The following SLC2A9 variants were observed in gnomAD, a reference collection of about 807,000 sequenced individuals.
SLC2A9 encodes solute carrier family 2, facilitated glucose transporter member 9.
In SLC2A9, 39 loss-of-function variants were observed where a neutral mutation model predicts 50.6. The ratio of observed to expected loss-of-function variants is 0.77; its 90% CI spans 0.60 to 1.01. The LOEUF (loss-of-function observed/expected upper bound fraction) is 1.01. SLC2A9 is among the 50% of genes least tolerant of loss of function. The pLI is 0.00. For synonymous variants in SLC2A9, 324 were observed against 276.9 expected (o/e 1.17, Z -1.69); for missense variants, 686 against 677.6 (o/e 1.01, Z -0.14).
At chr4:9,812,310 C>T (rs570901530) in intron 3 of SLC2A9, among the ~76,000 whole-genome samples, 7 of 152,192 alleles carry the variant, frequency 4.6e-5, no homozygotes, top group Admixed American at 2.6e-4. Context: ...GAGATTTAGC[C>T]GGAAATGACA....
rs576625342 is a variant in SLC2A9, at chr4:9,815,382, T to C, written n.420+11038A>G. ...TGTCATAACCTGCATGGATTGAGTTTAGGTTTATTCATGAGTAAGGGAAAC... is the reference window on the plus strand; with the variant it reads ...TGTCATAACCTGCATGGATTGAGTTCAGGTTTATTCATGAGTAAGGGAAAC... On this transcript the variant is annotated intron_variant and non_coding_transcript_variant, in intron 3 of 3. Coordinates refer to the SLC2A9 transcript ENST00000503280. Among the ~76,000 whole-genome samples, 14 of 152,356 alleles carry C rather than the reference T, an allele frequency of 9.2e-5. No individual in the cohort carries two copies. In the South Asian group the frequency reaches 2.7e-3, roughly 29 times the overall value.
At chr4:9,972,089 T>A (rs1048998823) in intron 5 of SLC2A9, among the ~76,000 whole-genome samples, 1 of 152,232 alleles carries the variant, frequency 6.6e-6, no homozygotes, top group Non-Finnish European at 1.5e-5. Flanking sequence ...CCAATTGCAA[T>A]GCCCATTCCT....
chr4:10,037,598 A>AG (rs1764147832), intron 1 of SLC2A9, among the ~76,000 whole-genome samples: 2 of 151,986 alleles, frequency 1.3e-5, no homozygotes, highest in Non-Finnish European at 2.9e-5. Context: ...AACAGTTTAA[A>AG]AAATAAAATG....
At chr4:9,956,806 C>T (rs1458018367) in intron 5 of SLC2A9, among the ~76,000 whole-genome samples, 6 of 152,166 alleles carry the variant, frequency 3.9e-5, no homozygotes, top group Admixed American at 2.0e-4. Context: ...TTGTCCATGC[C>T]GATTTATCTT....
chr4:9,950,459 T>G (rs1200644563), intron 5 of SLC2A9, among the ~76,000 whole-genome samples: 1 of 152,202 alleles, frequency 6.6e-6, no homozygotes, highest in East Asian at 1.9e-4. Context: ...GGTTTGGATG[T>G]CCTCTGCCTT....
chr4:9,904,348 G>A (rs564926309), intron 8 of SLC2A9, among the ~76,000 whole-genome samples: 10 of 152,252 alleles, frequency 6.6e-5, no homozygotes, highest in African/African-American at 2.2e-4. Flanking sequence ...ATTCCTGGGC[G>A]TGTGACCCCT....
rs955897533 is a variant in SLC2A9 at position 9,941,872 on chromosome 4, T to C, written c.814+41A>G. On this transcript the variant is annotated intron_variant, in intron 6 of 11. Coordinates refer to ENST00000264784, the MANE Select transcript of SLC2A9 (RefSeq NM_020041.3). The stretch of plus-strand genomic sequence containing the variant: ...CAGCATGCCTTGCAGTGATGATCTA[T>C]GCAGGGGCTGGAGCTGTGCAGGAAA... 1.9e-6 allele frequency: 3 copies of C among 1,612,932 alleles called. No individual in the cohort carries two copies. In the African/African-American group the frequency reaches 4.0e-5, roughly 22 times the overall value.
At chr4:9,790,237 A>G (rs1719731193) in intron 3 of SLC2A9, among the ~76,000 whole-genome samples, 2 of 152,166 alleles carry the variant, frequency 1.3e-5, no homozygotes, top group African/African-American at 4.8e-5. Flanking sequence ...CTCCAGGTGA[A>G]GTATTTTGAG....
chr4:9,781,421 C>A (rs1016235881), intron 3 of SLC2A9, among the ~76,000 whole-genome samples: 1 of 152,236 alleles, frequency 6.6e-6, no homozygotes, highest in African/African-American at 2.4e-5. Context: ...GCGCCAAGCA[C>A]CCTTCGGTTT....
At chr4:9,787,147 G>A (rs1028377908) in intron 3 of SLC2A9, among the ~76,000 whole-genome samples, 10 of 152,278 alleles carry the variant, frequency 6.6e-5, no homozygotes, top group South Asian at 2.1e-4. Flanking sequence ...CACACAGAGC[G>A]TGTATTACAC....
chr4:9,822,111 T>C (rs1724486547), downstream of SLC2A9, among the ~76,000 whole-genome samples: 1 of 152,194 alleles, frequency 6.6e-6, no homozygotes, highest in South Asian at 2.1e-4. Context: ...TTGTGTCCTA[T>C]CTCTCTTATC....
chr4:9,850,171 G>A (rs1350377143), intron 10 of SLC2A9, among the ~76,000 whole-genome samples: 2 of 152,264 alleles, frequency 1.3e-5, no homozygotes, highest in Admixed American at 6.5e-5. Flanking sequence ...GACTCCTGGG[G>A]AAGGGATGAG....
At chr4:9,841,951 T>C (rs1405246817) in intron 10 of SLC2A9, among the ~76,000 whole-genome samples, 1 of 152,190 alleles carries the variant, frequency 6.6e-6, no homozygotes, top group Non-Finnish European at 1.5e-5. Context: ...GTTCTTAGGG[T>C]TCATAAAATC....
At chr4:10,009,662 AT>A (rs1471922590) in intron 2 of SLC2A9, 1 of 152,208 alleles carries the variant, frequency 6.6e-6, no homozygotes, top group African/African-American at 2.4e-5. Flanking sequence ...AAAGTGAGTA[AT>A]TTCTTATCAA....
intron 10 of SLC2A9, chr4:9,879,994 G>A: frequency 1.0e-6 from 1 of 985,356 alleles, no homozygotes; most frequent in Non-Finnish European, 1.2e-6. Context: ...GCTGCCTCAG[G>A]CGGCCTCCTG....
At chr4:9,802,794 C>T (rs866977094) in intron 3 of SLC2A9, among the ~76,000 whole-genome samples, 23 of 152,090 alleles carry the variant, frequency 1.5e-4, no homozygotes, top group African/African-American at 5.6e-4. Context: ...AACTCCTTAC[C>T]TCAGGTGAAT....
At chr4:9,971,879 C>T (rs972208343) in intron 5 of SLC2A9, among the ~76,000 whole-genome samples, 9 of 152,210 alleles carry the variant, frequency 5.9e-5, no homozygotes, top group South Asian at 2.1e-4. Context: ...CAACCTTACA[C>T]GAGAAAATAC....
At chr4:9,846,113 G>A (rs966776431) in intron 10 of SLC2A9, among the ~76,000 whole-genome samples, 7 of 152,198 alleles carry the variant, frequency 4.6e-5, no homozygotes, top group Non-Finnish European at 7.3e-5. Flanking sequence ...AAGGTGGCAC[G>A]AGCAGTAAAT....
At chr4:9,937,535 C>G (rs1190773955) in intron 6 of SLC2A9, among the ~76,000 whole-genome samples, 4 of 152,206 alleles carry the variant, frequency 2.6e-5, no homozygotes, top group African/African-American at 9.7e-5. Flanking sequence ...CTTCCGGGAG[C>G]AGGTGACTGC....
Sources: allele counts gnomAD v4.1 joint callset (sites outside exome capture counted in the v4.1 genomes callset), GRCh38; gene constraint gnomAD v4.1.1; transcripts MANE v1.5; gene names NCBI Gene and HGNC (gene_info 2026-07-23, HGNC 2026-07-21).